Variants in MYH14 observed in about 807,000 individuals in gnomAD.
The protein encoded by MYH14 is myosin heavy chain 14.
Under a neutral mutation model 255.5 loss-of-function variants are expected in MYH14, and 123 were observed. The ratio of observed to expected loss-of-function variants is 0.48; its 90% CI spans 0.42 to 0.56. The LOEUF (loss-of-function observed/expected upper bound fraction) is 0.56, where lower values mean the gene tolerates loss of function less well. MYH14 is among the 20% of genes least tolerant of loss of function. The pLI, the probability that MYH14 is intolerant of heterozygous loss-of-function variation, is 0.00. For missense variants in MYH14, 2,423 were observed against 2,802.3 expected (o/e 0.86, Z 3.06); for synonymous variants, 1,095 against 1,161.2 (o/e 0.94, Z 1.16).
intron 1 of MYH14, among the ~76,000 whole-genome samples, chr19:50,209,940 A>C (rs1459685912): frequency 6.6e-6 from 1 of 150,602 alleles, no homozygotes; most frequent in Admixed American, 6.6e-5. Flanking sequence ...TCTACTAAAA[A>C]TACAAAAATT....
At chr19:50,289,279 C>T (rs747846758) in intron 34 of MYH14, among the ~76,000 whole-genome samples, 157 bp from the exon 35 acceptor site, 15 of 152,102 alleles carry the variant, frequency 9.9e-5, no homozygotes, top group Admixed American at 3.3e-4. Flanking sequence ...AGGAAGGAGC[C>T]GTTCAGCAGA....
chr19:50,217,468 A>G, intron 2 of MYH14, 147 bp from the exon 3 acceptor site: 1 of 960,936 alleles, frequency 1.0e-6, no homozygotes, highest in Non-Finnish European at 1.7e-6. Context: ...TGCTCATAAC[A>G]AACATTCAAA....
At chr19:50,265,244 G>C (rs939165660) in intron 22 of MYH14, among the ~76,000 whole-genome samples, 2 of 151,968 alleles carry the variant, frequency 1.3e-5, no homozygotes, top group African/African-American at 4.8e-5. Flanking sequence ...GAGGTTAGGG[G>C]CTCACACCTG....
intron 39 of MYH14, among the ~76,000 whole-genome samples, chr19:50,297,947 G>A (rs1444038813): frequency 5.3e-5 from 8 of 152,058 alleles, no homozygotes; most frequent in Admixed American, 2.0e-4. Flanking sequence ...TGAATTTTGC[G>A]TGGGAGTCTA....
chr19:50,261,016 C>G (rs2034830670), intron 20 of MYH14, among the ~76,000 whole-genome samples: 1 of 124,442 alleles, frequency 8.0e-6, no homozygotes, highest in Non-Finnish European at 1.7e-5. Context: ...CCTCATCATC[C>G]CCTATCACCC....
intron 24 of MYH14, among the ~76,000 whole-genome samples, chr19:50,270,608 T>C (rs2035261553): frequency 6.6e-6 from 1 of 151,818 alleles, no homozygotes; most frequent in East Asian, 1.9e-4. Flanking sequence ...TGATTTCCAG[T>C]GTGCCCAATG....
In MYH14 at chr19:50,250,533, C is replaced by T; in HGVS notation, c.1675C>T (p.Leu559=). The T allele has an allele frequency of 6.2e-7, 1 of 1,613,428 alleles. No homozygotes were observed. Among genetic ancestry groups the T allele is most frequent in the Non-Finnish European group, 8.5e-7 (1 of 1,179,732 alleles). The change falls in exon 15 of 43, where the codon CTG becomes TTG. Residue 559 remains leucine (L), a synonymous_variant. Coordinates refer to ENST00000642316, the MANE Select transcript of MYH14 (RefSeq NM_001145809.2). The surrounding 1 kb of genome is among the most constrained non-coding windows in gnomAD (Gnocchi z 5.4). ...IERPANPPGL[L]ALLDEECWFP... Reference sequence around the variant, plus strand: ...TGGCCAGGCCAACCCCCCTGGACTCCTGGCCCTGCTGGATGAGGAGTGCTG... The same window carrying T: ...TGGCCAGGCCAACCCCCCTGGACTCTTGGCCCTGCTGGATGAGGAGTGCTG...
chr19:50,234,727 C>CATG (rs1024515496), intron 10 of MYH14, among the ~76,000 whole-genome samples: 2 of 152,214 alleles, frequency 1.3e-5, no homozygotes, highest in Non-Finnish European at 2.9e-5. Flanking sequence ...CTCTTGTCAC[C>CATG]ATGAGCTCAT....
At chr19:50,241,645 A>AT (rs57785862) in intron 10 of MYH14, among the ~76,000 whole-genome samples, 85,491 of 146,316 alleles carry the variant, frequency 0.58, 24,803 homozygotes, top group East Asian at 0.61. Context: ...CTGTATATTA[A>AT]TTTTTTTTTT....
intron 34 of MYH14, 37 bp from the exon 35 acceptor site, chr19:50,289,399 A>G (rs759960560): frequency 5.8e-6 from 9 of 1,557,748 alleles, no homozygotes; most frequent in Non-Finnish European, 7.0e-6. Context: ...CCTCTGCCTC[A>G]GTGACCCAGG....
At position 50,230,526 on chromosome 19, in the gene MYH14, C is replaced by T. The variant is rs2033322182; in HGVS notation, c.876C>T (p.Tyr292=). Reference sequence around the variant, plus strand: ...AGCACCTTGACTCGCTGTGTCCAGACCTGCTGGAGAAGTCGCGGGCCATCC... The same window carrying T: ...AGCACCTTGACTCGCTGTGTCCAGATCTGCTGGAGAAGTCGCGGGCCATCC... ...GYIVGANIET[Y]LLEKSRAIRQ... Residue 292 remains tyrosine (Y), a splice_region_variant and synonymous_variant, in exon 9 of 43, where the codon TAC becomes TAT. Transcript: ENST00000642316. The surrounding 1 kb of genome is among the most constrained non-coding windows in gnomAD (Gnocchi z 4.7). The T allele has an allele frequency of 1.9e-6, 3 of 1,560,442 alleles. No individual in the cohort carries two copies. The highest frequency in any genetic ancestry group is 2.6e-6 in the Non-Finnish European group (3 of 1,152,654).
chr19:50,297,555 T>C (rs2036318313), intron 39 of MYH14, among the ~76,000 whole-genome samples: 1 of 139,090 alleles, frequency 7.2e-6, no homozygotes, highest in African/African-American at 2.7e-5. Context: ...TGGAGTGCAA[T>C]GGGCTGATCT....
intron 12 of MYH14, 129 bp from the exon 13 acceptor site, chr19:50,248,858 A>G (rs2034238909): frequency 2.5e-6 from 2 of 813,052 alleles, no homozygotes; most frequent in Admixed American, 4.4e-5. Flanking sequence ...TCTTGATGGT[A>G]CTTACACTCA....
Position 50,249,084 on chromosome 19 carries a change from G to A in MYH14, c.1427G>A (p.Arg476His), listed in dbSNP as rs375694189. Residue 476 changes from arginine to histidine, a missense_variant, in exon 13 of 43, where the codon CGC becomes CAC. This residue lies in a region of MYH14 where 672 missense variants were observed against 881.8 expected (regional missense o/e 0.76). Transcript: ENST00000642316. The stretch of plus-strand genomic sequence containing the variant: ...AACCGGGCCTTGGACCGCAGCCCCC[G>A]CCAAGGCGCCTCCTTCCTGGGCATC... ...RLNRALDRSP[R>H]QGASFLGILD... The A allele has an allele frequency of 7.4e-5, 119 of 1,604,358 alleles. 1 individual carries two copies. In the African/African-American group the frequency reaches 1.2e-3, roughly 17 times the overall value.
At chr19:50,272,086 A>G in intron 26 of MYH14, 114 bp downstream of exon 26, 2 of 1,421,564 alleles carry the variant, frequency 1.4e-6, no homozygotes, top group East Asian at 2.5e-5. Flanking sequence ...GATAGGAAGG[A>G]AGGCTCAGGG....
At chr19:50,233,368 C>T (rs2033500931) in intron 10 of MYH14, among the ~76,000 whole-genome samples, 1 of 152,116 alleles carries the variant, frequency 6.6e-6, no homozygotes, top group South Asian at 2.1e-4. Flanking sequence ...TGGGGTTTCA[C>T]CATGTTGGCC....
chr19:50,270,706 T>A (rs1338103796), intron 24 of MYH14, among the ~76,000 whole-genome samples: 1 of 151,720 alleles, frequency 6.6e-6, no homozygotes, highest in African/African-American at 2.4e-5. Context: ...TTATTTATTT[T>A]TTTTTTGAGA....
chr19:50,223,465 A>G (rs1180672505), intron 5 of MYH14, 116 bp downstream of exon 5: 3 of 763,078 alleles, frequency 3.9e-6, no homozygotes, highest in African/African-American at 1.7e-5. Flanking sequence ...CTAGACGCCT[A>G]TGCCACCTGA....
intron 18 of MYH14, among the ~76,000 whole-genome samples, chr19:50,257,714 A>G (rs1348162456): frequency 6.6e-6 from 1 of 152,208 alleles, no homozygotes; most frequent in Non-Finnish European, 1.5e-5. Context: ...CTGGGGAGGC[A>G]TTGGAGAGAA....
Sources: allele counts gnomAD v4.1 joint callset (sites outside exome capture counted in the v4.1 genomes callset), GRCh38; gene constraint gnomAD v4.1.1; regional missense constraint gnomAD v4.1.1; non-coding constraint Gnocchi (gnomAD v3.1); transcripts MANE v1.5; gene names NCBI Gene and HGNC (gene_info 2026-07-23, HGNC 2026-07-21).